Variants in RASGRP3 observed in about 807,000 individuals in gnomAD.
RASGRP3 encodes RAS guanyl releasing protein 3.
A neutral mutation model predicts 82.7 loss-of-function variants in RASGRP3; 54 were observed. That is an observed-to-expected ratio of 0.65 (90% CI 0.52 to 0.82). The LOEUF (loss-of-function observed/expected upper bound fraction) is 0.82, where lower values mean the gene tolerates loss of function less well. RASGRP3 is among the 40% of genes least tolerant of loss of function. The pLI is 0.00. For missense variants in RASGRP3, 861 were observed against 828.9 expected (o/e 1.04, Z -0.48); for synonymous variants, 309 against 300.5 (o/e 1.03, Z -0.29).
chr2:33,536,341 CAGAAAGAAAAA>C (rs1673609174), intron 11 of RASGRP3, among the ~76,000 whole-genome samples: 3 of 139,830 alleles, frequency 2.1e-5, no homozygotes, highest in African/African-American at 7.9e-5. Flanking sequence ...AAAAAAACGA[CAGAAAGAAAAA>C]AGAAAGAAAA....
chr2:33,536,231 G>A (rs1440091190), intron 11 of RASGRP3, among the ~76,000 whole-genome samples: 3 of 150,854 alleles, frequency 2.0e-5, no homozygotes, highest in Non-Finnish European at 2.9e-5. Flanking sequence ...GAATCCAGGA[G>A]GCAGAGGTTG....
chr2:33,440,010 A>C (rs1292896847), intron 1 of RASGRP3, among the ~76,000 whole-genome samples: 1 of 151,936 alleles, frequency 6.6e-6, no homozygotes, highest in Non-Finnish European at 1.5e-5. Context: ...GTATGGTTAT[A>C]GGAGGAGAGA....
At chr2:33,455,148 A>G (rs544497041) in intron 2 of RASGRP3, among the ~76,000 whole-genome samples, 1 of 152,366 alleles carries the variant, frequency 6.6e-6, no homozygotes, top group South Asian at 2.1e-4. Context: ...GCAAAGATCC[A>G]TGAAAGCTTA....
chr2:33,539,061 T>C, intron 11 of RASGRP3, 33 bp from the exon 12 acceptor site: 1 of 1,415,510 alleles, frequency 7.1e-7, no homozygotes, highest in South Asian at 1.3e-5. Context: ...ATAATAAAGT[T>C]GAAAAATATG....
chr2:33,532,954 T>C (rs1673246040), intron 10 of RASGRP3: 1 of 152,244 alleles, frequency 6.6e-6, no homozygotes, highest in South Asian at 2.1e-4. Context: ...AAAGGAATCT[T>C]TGAAAACATC....
intron 1 of RASGRP3, among the ~76,000 whole-genome samples, chr2:33,491,438 A>G (rs957952744): frequency 6.6e-6 from 1 of 152,202 alleles, no homozygotes; most frequent in African/African-American, 2.4e-5. Flanking sequence ...TTGGAAATGT[A>G]TTAATACTTA....
intron 1 of RASGRP3, among the ~76,000 whole-genome samples, chr2:33,508,541 A>AT (rs2150995430): frequency 6.6e-6 from 1 of 152,250 alleles, no homozygotes; most frequent in South Asian, 2.1e-4. Flanking sequence ...ATGTGGGTAA[A>AT]TTTCTCATTT....
intron 1 of RASGRP3, among the ~76,000 whole-genome samples, chr2:33,445,382 A>G (rs1429249944): frequency 6.6e-6 from 1 of 152,242 alleles, no homozygotes. Context: ...ATGAAACTAG[A>G]GTTTAACCAG....
chr2:33,467,652 G>C (rs113337359), intron 2 of RASGRP3, among the ~76,000 whole-genome samples: 1 of 152,168 alleles, frequency 6.6e-6, no homozygotes, highest in African/African-American at 2.4e-5. Flanking sequence ...CCAACTTGAC[G>C]CAGCTTGTGT....
At chr2:33,551,447 C>G (rs1001062841) in intron 14 of RASGRP3, among the ~76,000 whole-genome samples, 1 of 152,142 alleles carries the variant, frequency 6.6e-6, no homozygotes, top group Non-Finnish European at 1.5e-5. Flanking sequence ...ACCCAGTAAA[C>G]AAAAGGTCAG....
chr2:33,487,086 A>G (rs1668463950), intron 1 of RASGRP3, among the ~76,000 whole-genome samples: 1 of 152,190 alleles, frequency 6.6e-6, no homozygotes, highest in Non-Finnish European at 1.5e-5. Flanking sequence ...TCCCCTTCCC[A>G]TATTAGCTTT....
At chr2:33,515,262 T>C (rs1450624230) in intron 3 of RASGRP3, 56 bp downstream of exon 3, 1 of 1,585,640 alleles carries the variant, frequency 6.3e-7, no homozygotes, top group Non-Finnish European at 8.7e-7. Context: ...CTCACTTTCC[T>C]CTATTCAGAG....
At chr2:33,441,139 G>A (rs1390654212) in intron 1 of RASGRP3, among the ~76,000 whole-genome samples, 1 of 152,080 alleles carries the variant, frequency 6.6e-6, no homozygotes, top group Non-Finnish European at 1.5e-5. Context: ...TGATCCTCCT[G>A]CCTCGGCCTC....
intron 2 of RASGRP3, among the ~76,000 whole-genome samples, chr2:33,449,774 A>G (rs1161014163): frequency 6.6e-6 from 1 of 152,164 alleles, no homozygotes. Context: ...AAAAAGGAAT[A>G]TTTATTACAG....
chr2:33,517,306 C>T (rs1671563460), intron 4 of RASGRP3, among the ~76,000 whole-genome samples: 1 of 152,152 alleles, frequency 6.6e-6, no homozygotes, highest in South Asian at 2.1e-4. Flanking sequence ...ATGCAGTCTC[C>T]CATTTGTAAA....
intron 1 of RASGRP3, among the ~76,000 whole-genome samples, chr2:33,446,543 T>G (rs1665513249): frequency 6.6e-6 from 1 of 151,868 alleles, no homozygotes; most frequent in Non-Finnish European, 1.5e-5. Context: ...AAGTAACACT[T>G]GGCTAAGAAG....
chr2:33,515,160 A>G lies in RASGRP3; in HGVS notation c.24A>G (p.Lys8=), dbSNP rs202227874. The part of the protein sequence containing the change: MGSSGLG[K]AATLDELLCT... ...CCATGGGATCAAGTGGCCTTGGGAAAGCAGCAACATTAGATGAACTGCTGT... is the reference window on the plus strand; with the variant it reads ...CCATGGGATCAAGTGGCCTTGGGAAGGCAGCAACATTAGATGAACTGCTGT... Residue 8 remains lysine, a synonymous_variant, in exon 3 of 18, where the codon AAA becomes AAG. Transcript: ENST00000403687. 43 of 1,613,876 alleles carry G rather than the reference A, an allele frequency of 2.7e-5. No individual in the cohort carries two copies. The highest frequency in any genetic ancestry group is 1.6e-4 in the Middle Eastern group (1 of 6,084).
chr2:33,477,563 G>T (rs573965821), intron 1 of RASGRP3, among the ~76,000 whole-genome samples: 3 of 152,190 alleles, frequency 2.0e-5, no homozygotes, highest in African/African-American at 4.8e-5. Flanking sequence ...TCCAAATTAC[G>T]GAGAGAACCG....
chr2:33,527,212 G>T lies in RASGRP3; in HGVS notation c.883G>T (p.Asp295Tyr). 3 of 1,614,040 alleles carry T rather than the reference G, an allele frequency of 1.9e-6. No individual in the cohort carries two copies. Among genetic ancestry groups the T allele is most frequent in the Non-Finnish European group, 2.5e-6 (3 of 1,179,890 alleles). Residue 295 changes from aspartate (D) to tyrosine (Y), a missense_variant, in exon 10 of 18, where the codon GAT (aspartate) becomes TAT (tyrosine). Asp to Tyr is a radical substitution (Grantham distance 160). Transcript: ENST00000403687. ...TTACCGCAAGGCCTTTGCCGACTGCGATGGCTTCAAAATCCCCATCCTTGG... is the reference window on the plus strand; with the variant it reads ...TTACCGCAAGGCCTTTGCCGACTGCTATGGCTTCAAAATCCCCATCCTTGG... ...CNYRKAFADC[D>Y]GFKIPILGVH...
Sources: gnomAD v4.1 joint callset for allele counts (sites outside exome capture counted in the v4.1 genomes callset) on GRCh38, gnomAD v4.1.1 for gene constraint, MANE v1.5 for transcripts, NCBI Gene and HGNC (gene_info 2026-07-23, HGNC 2026-07-21) for gene names.